Variants in ADAM12 observed in about 807,000 individuals in gnomAD.
ADAM12 encodes the protein disintegrin and metalloproteinase domain-containing protein 12.
In ADAM12, 70 loss-of-function variants were observed where a neutral mutation model predicts 106.4. The ratio of observed to expected loss-of-function variants is 0.66; its 90% CI spans 0.54 to 0.80. The LOEUF is 0.80. Ranked by LOEUF, ADAM12 falls within the 30% of genes least tolerant of loss-of-function variation. The probability of loss-of-function intolerance (pLI) is 0.00; values close to 1 mark genes in which losing one functional copy is unlikely to be tolerated. For synonymous variants in ADAM12, 420 were observed against 433.5 expected, an observed-to-expected ratio of 0.97 and a Z score of 0.39; for missense variants, 1,010 against 1,171.9, an observed-to-expected ratio of 0.86 and a Z score of 2.02.
chr10:126,087,767 C>T (rs2078114), intron 11 of ADAM12, among the ~76,000 whole-genome samples: 15,551 of 152,164 alleles, frequency 0.1, 1,099 homozygotes, highest in African/African-American at 0.19. Flanking sequence ...GACTTTCCCG[C>T]TACATTGAAT....
At position 126,384,095 on chromosome 10, in the gene ADAM12, A is replaced by G. The variant is rs557867137; in HGVS notation, c.88+3963T>C. ...GATGCCAAGAGGTACAGCAGCTATC[A>G]TGAGACCATGAGGAAGTAAGCATAA... On this transcript the variant is annotated intron_variant, in intron 1 of 22. Transcript: ENST00000448723. Among the ~76,000 whole-genome samples, 16 of 152,330 alleles carry G rather than the reference A, an allele frequency of 1.1e-4. No homozygotes were observed. The South Asian group carries it at 3.3e-3, about 32-fold the overall frequency.
intron 2 of ADAM12, among the ~76,000 whole-genome samples, chr10:126,328,767 A>T (rs2133848344): frequency 6.6e-6 from 1 of 152,318 alleles, no homozygotes; most frequent in Admixed American, 6.5e-5. Flanking sequence ...CCTGTCACCC[A>T]CAGGGCTCTC....
At chr10:126,222,426 A>G (rs1364619259) in intron 3 of ADAM12, among the ~76,000 whole-genome samples, 1 of 151,558 alleles carries the variant, frequency 6.6e-6, no homozygotes, top group Non-Finnish European at 1.5e-5. Context: ...AACAGGGACA[A>G]GTCTCACTTA....
chr10:126,369,856 T>C (rs554042879), intron 1 of ADAM12, among the ~76,000 whole-genome samples: 1 of 152,232 alleles, frequency 6.6e-6, no homozygotes, highest in South Asian at 2.1e-4. Flanking sequence ...ATTAAGCAAG[T>C]CACTAGGTTA....
At chr10:126,313,799 T>G (rs1207226577) in intron 2 of ADAM12, among the ~76,000 whole-genome samples, 1 of 152,150 alleles carries the variant, frequency 6.6e-6, no homozygotes, top group Non-Finnish European at 1.5e-5. Context: ...GATGGACAGT[T>G]AAGGCTGAAA....
chr10:126,292,617 T>C, intron 2 of ADAM12, among the ~76,000 whole-genome samples: 1 of 152,190 alleles, frequency 6.6e-6, no homozygotes, highest in East Asian at 1.9e-4. Context: ...TAGAGCAGGG[T>C]TGATGCACAT....
At chr10:126,184,199 A>G (rs990281550) in intron 3 of ADAM12, among the ~76,000 whole-genome samples, 24 of 152,340 alleles carry the variant, frequency 1.6e-4, no homozygotes, top group South Asian at 4.1e-4. Flanking sequence ...GTGTCAATCC[A>G]GAGCATATCA....
rs561420605 is a variant in ADAM12 at position 126,325,703 on chromosome 10, T to C, written c.186+4709A>G. Among the ~76,000 whole-genome samples, 11 of 152,294 alleles carry C rather than the reference T, an allele frequency of 7.2e-5. No individual in the cohort carries two copies. The South Asian group carries it at 1.7e-3, about 23-fold the overall frequency. On this transcript the variant is annotated intron_variant, in intron 2 of 22. Coordinates refer to ENST00000448723, the MANE Select transcript of ADAM12 (RefSeq NM_001288973.2). ...TCAAGTGAGGTCATCTCACGATCAATCACATTTTGACATGTCTTCGCTGGT... is the reference window on the plus strand; with the variant it reads ...TCAAGTGAGGTCATCTCACGATCAACCACATTTTGACATGTCTTCGCTGGT...
intron 3 of ADAM12, among the ~76,000 whole-genome samples, chr10:126,195,315 G>A (rs530978938): frequency 3.9e-5 from 6 of 152,224 alleles, no homozygotes; most frequent in African/African-American, 1.4e-4. Context: ...TGGCTCATGT[G>A]TATAATCCCA....
rs555124153 is a variant in ADAM12 at position 126,256,825 on chromosome 10, A to G, written c.260+22090T>C. Among the ~76,000 whole-genome samples the G allele has an allele frequency of 2.6e-5, 4 of 152,248 alleles. No individual in the cohort carries two copies. The South Asian group carries it at 8.3e-4, about 32-fold the overall frequency. ...ATCCAGAAATCTCTTTTATATTAACACCAACATTGCAAAGGCTGGTTCTTT... is the reference window on the plus strand; with the variant it reads ...ATCCAGAAATCTCTTTTATATTAACGCCAACATTGCAAAGGCTGGTTCTTT... On this transcript the variant is annotated intron_variant, in intron 3 of 22. Coordinates refer to ENST00000448723, the MANE Select transcript of ADAM12 (RefSeq NM_001288973.2).
intron 4 of ADAM12, among the ~76,000 whole-genome samples, chr10:126,149,988 T>C (rs922686945): frequency 1.3e-5 from 2 of 152,204 alleles, no homozygotes; most frequent in African/African-American, 4.8e-5. Flanking sequence ...CTAATACTAA[T>C]ACAGATGCCT....
Position 126,084,643 on chromosome 10 carries a change from G to A in ADAM12, c.1145+9342C>T, listed in dbSNP as rs536467267. ...AAGCAGTCACGGTAGATATCTACAA[G>A]CCTGCCACCAGGGCTGAAGTCTACA... On this transcript the variant is annotated intron_variant, in intron 11 of 22. Coordinates refer to ENST00000448723, the MANE Select transcript of ADAM12 (RefSeq NM_001288973.2). 7.9e-4 allele frequency among the ~76,000 whole-genome samples: 120 copies of A among 152,314 alleles called. 1 individual carries two copies. The highest frequency in any genetic ancestry group is 7.8e-3 in the Admixed American group (120 of 15,298).
intron 1 of ADAM12, among the ~76,000 whole-genome samples, chr10:126,377,694 G>A (rs544999257): frequency 4.6e-5 from 7 of 152,224 alleles, no homozygotes; most frequent in South Asian, 4.1e-4. Flanking sequence ...TGTGAAGTAC[G>A]GGATACTGAG....
Position 126,278,128 on chromosome 10 carries a change from G to A in ADAM12, c.260+787C>T, listed in dbSNP as rs117961834. ...CCAGTACTTTTGGAAGAGAGAAACT[G>A]CTATTTTGACCAAGCAGGACTTGGA... is the stretch of plus-strand genomic sequence containing the variant. On this transcript the variant is annotated intron_variant, in intron 3 of 22. Transcript: ENST00000448723. 3.3e-3 allele frequency among the ~76,000 whole-genome samples: 505 copies of A among 152,222 alleles called. 1 individual carries two copies. Among genetic ancestry groups the A allele is most frequent in the Middle Eastern group, 0.017 (5 of 294 alleles).
At position 126,043,865 on chromosome 10, in the gene ADAM12, A is replaced by G. The variant is rs998721190; in HGVS notation, c.1996-717T>C. Among the ~76,000 whole-genome samples, 6 of 152,178 alleles carry G rather than the reference A, an allele frequency of 3.9e-5. No homozygotes were observed. Among genetic ancestry groups the G allele is most frequent in the African/African-American group, 1.4e-4 (6 of 41,440 alleles). On this transcript the variant is annotated intron_variant, in intron 17 of 22. Coordinates refer to ENST00000448723, the MANE Select transcript of ADAM12 (RefSeq NM_001288973.2). The surrounding 1 kb of genome is among the most constrained non-coding windows in gnomAD (Gnocchi z 4.1). ...TGGATTCTTTTCATTGTGAAATAAG[A>G]GAATGGTTCTGGCACGGCGGGAAAG...
intron 14 of ADAM12, among the ~76,000 whole-genome samples, chr10:126,050,131 C>T (rs1350183323): frequency 6.6e-6 from 1 of 152,186 alleles, no homozygotes; most frequent in Non-Finnish European, 1.5e-5. Context: ...ATGAAGATAT[C>T]TTCTATGATA....
In ADAM12 at chr10:126,038,262, C is replaced by T. The variant is rs750792774; in HGVS notation, c.2328G>A (p.Pro776=). 3.0e-5 allele frequency: 49 copies of T among 1,610,630 alleles called. No homozygotes were observed. Among genetic ancestry groups the T allele is most frequent in the Middle Eastern group, 1.6e-4 (1 of 6,074 alleles). The change falls in exon 20 of 23, where the codon CCG becomes CCA. Residue 776 remains proline, a synonymous_variant. Transcript: ENST00000448723. ...GHLGKGLMRK[P]PDSYPPKDNP... ...TCACCTTCGGTGGGTAGGAATCTGG[C>T]GGCTTCCTCATCAGGCCTTTTCCAA...
In ADAM12 at chr10:126,017,203, G is replaced by T; in HGVS notation, c.*76C>A. 7.5e-7 allele frequency: 1 copy of T among 1,325,020 alleles called. No homozygotes were observed. Among genetic ancestry groups the T allele is most frequent in the African/African-American group, 1.5e-5 (1 of 66,630 alleles). 82.1% of individuals were successfully genotyped at this position (1,325,020 alleles called of 1,614,324 possible). On this transcript the variant is annotated 3_prime_UTR_variant, in exon 23 of 23. Transcript: ENST00000448723. ...AACATTAAAAAAAATCCTAAAAGTTGGTACAAAAAACTCCAACTGGAGCTG... is the reference window on the plus strand; with the variant it reads ...AACATTAAAAAAAATCCTAAAAGTTTGTACAAAAAACTCCAACTGGAGCTG...
intron 2 of ADAM12, among the ~76,000 whole-genome samples, chr10:126,304,535 T>C (rs571010663): frequency 6.6e-6 from 1 of 152,036 alleles, no homozygotes; most frequent in African/African-American, 2.4e-5. Flanking sequence ...ACTATAAGTA[T>C]AACAATGCAT....
Sources: gnomAD v4.1 joint callset for allele counts (sites outside exome capture counted in the v4.1 genomes callset) on GRCh38, gnomAD v4.1.1 for gene constraint, Gnocchi (gnomAD v3.1) non-coding constraint, MANE v1.5 for transcripts, NCBI Gene and HGNC (gene_info 2026-07-23, HGNC 2026-07-21) for gene names.